TEX14: variants seen among roughly 807,000 people sequenced by gnomAD.
The protein encoded by TEX14 is inactive serine/threonine-protein kinase TEX14.
A neutral mutation model predicts 178.6 loss-of-function variants in TEX14; 168 were observed. The ratio of observed to expected loss-of-function variants is 0.94; its 90% CI spans 0.83 to 1.07. The LOEUF (loss-of-function observed/expected upper bound fraction) is 1.07. Ranked by LOEUF, TEX14 falls within the 50% of genes least tolerant of loss-of-function variation. The probability of loss-of-function intolerance (pLI) is 0.00; values close to 1 mark genes in which losing one functional copy is unlikely to be tolerated. For missense variants in TEX14, 1,730 were observed against 1,753.6 expected (o/e 0.99, Z 0.24); for synonymous variants, 626 against 634.1 (o/e 0.99, Z 0.19).
At position 58,669,733 on chromosome 17, in the gene TEX14, C is replaced by CAAAAA. The variant is rs71367615; in HGVS notation, c.-1-17736_-1-17732dup. Among the ~76,000 whole-genome samples the CAAAAA allele has an allele frequency of 2.4e-3, 132 of 56,162 alleles. 2 individuals are homozygous for CAAAAA. The highest frequency in any genetic ancestry group is 4.0e-3 in the East Asian group (8 of 2,000). 36.8% of individuals were successfully genotyped at this position (56,162 alleles called of 152,430 possible). A position where few individuals can be genotyped will look rare whatever the true frequency, so the allele number is the denominator to read the frequency against. On this transcript the variant is annotated intron_variant, in intron 1 of 31. Transcript: ENST00000349033. ...TGGGCAACAGAGAGAGACTCCGTCT[C>CAAAAA]AAAAAAAAAAAAAAAAAAAAAAAGC...
chr17:58,578,564 CAG>C (rs1251349820), intron 20 of TEX14, among the ~76,000 whole-genome samples: 1 of 152,208 alleles, frequency 6.6e-6, no homozygotes, highest in East Asian at 1.9e-4. Context: ...GAGTAGAAAT[CAG>C]AGACTTTTTC....
chr17:58,564,212 A>C (rs1172520146), intron 28 of TEX14: 11 of 152,196 alleles, frequency 7.2e-5, no homozygotes, highest in Non-Finnish European at 1.2e-4. Context: ...TGAAAGCAGG[A>C]TCTCAAAGAG....
intron 3 of TEX14, among the ~76,000 whole-genome samples, chr17:58,625,160 C>G (rs2046106669): frequency 6.6e-6 from 1 of 150,454 alleles, no homozygotes. Flanking sequence ...GAGACGAAGT[C>G]TCGCTCTTGT....
At chr17:58,562,493 G>A (rs145592334) in intron 28 of TEX14, among the ~76,000 whole-genome samples, 7 of 151,972 alleles carry the variant, frequency 4.6e-5, no homozygotes, top group Admixed American at 3.9e-4. Flanking sequence ...TTTTGATCAC[G>A]TAAAAAGAGC....
At chr17:58,605,598 T>TCACC (rs1367735113) in intron 10 of TEX14, among the ~76,000 whole-genome samples, 1 of 152,174 alleles carries the variant, frequency 6.6e-6, no homozygotes, top group African/African-American at 2.4e-5. Context: ...ACTCTACTGC[T>TCACC]CACCCACTCC....
chr17:58,587,497 G>A, intron 17 of TEX14, 84 bp downstream of exon 17: 1 of 847,484 alleles, frequency 1.2e-6, no homozygotes, highest in Non-Finnish European at 1.9e-6. Context: ...TGCAACACAG[G>A]TTGTGTACTT....
chr17:58,659,311 A>C (rs953687755), intron 1 of TEX14: 3 of 976,646 alleles, frequency 3.1e-6, no homozygotes, highest in Non-Finnish European at 3.6e-6. Context: ...GACATTATTT[A>C]CTTAATATTG....
In TEX14 at chr17:58,651,917, C is replaced by A; in HGVS notation, c.85G>T (p.Glu29Ter). 6.2e-7 allele frequency: 1 copy of A among 1,613,410 alleles called. No individual in the cohort carries two copies. Among genetic ancestry groups the A allele is most frequent in the South Asian group, 1.1e-5 (1 of 90,848 alleles). ...ACATAGTTCCCTTGTTTGACATACT[C>A]ATGAAGCTGAGCTTCCAGGGAGTCA... ...RNDSLEAQLHEYVKQGNYVKV... is the reference protein window; with the variant it reads ...RNDSLEAQLH Residue 29 changes from glutamate to a stop codon, truncating the protein, a stop_gained, in exon 2 of 32, where the codon GAG becomes TAG. Transcript: ENST00000349033. LOFTEE classifies it high-confidence loss of function.
chr17:58,593,623 A>C lies in TEX14; in HGVS notation c.2508T>G (p.Asp836Glu), dbSNP rs2045210382. Residue 836 changes from aspartate to glutamate, a missense_variant, in exon 15 of 32, where the codon GAT (aspartate) becomes GAG (glutamate). By Grantham distance (45) the Asp-to-Glu change is conservative. Transcript: ENST00000349033. Reference sequence around the variant, plus strand: ...CTCCTTGAGTGCACTGAAATTGTTCATCTGTGTTCTGTTTTCCAGGGTCAC... The same window carrying C: ...CTCCTTGAGTGCACTGAAATTGTTCCTCTGTGTTCTGTTTTCCAGGGTCAC... Reference protein sequence around the residue: ...TLCDPGKQNTDEQFQCTQGAK... With the variant: ...TLCDPGKQNTEEQFQCTQGAK... 1.2e-6 allele frequency: 2 copies of C among 1,614,114 alleles called. No individual in the cohort carries two copies. Among genetic ancestry groups the C allele is most frequent in the Non-Finnish European group, 8.5e-7 (1 of 1,180,018 alleles).
intron 1 of TEX14, among the ~76,000 whole-genome samples, chr17:58,684,450 G>A (rs1344161894): frequency 6.8e-6 from 1 of 147,002 alleles, no homozygotes; most frequent in East Asian, 2.0e-4. Flanking sequence ...CAACAAGAGC[G>A]AAACTCCGTC....
At chr17:58,666,701 G>T (rs543738268) in intron 1 of TEX14, 38 of 152,250 alleles carry the variant, frequency 2.5e-4, no homozygotes, top group Admixed American at 2.3e-3. Flanking sequence ...TAATTATGAG[G>T]TACTTGCGTG....
intron 3 of TEX14, among the ~76,000 whole-genome samples, chr17:58,623,323 G>A (rs1358690197): frequency 6.6e-6 from 1 of 152,052 alleles, no homozygotes. Flanking sequence ...CATAGATCTG[G>A]TTCCAAATCC....
chr17:58,638,562 G>C (rs1007281108), intron 2 of TEX14, among the ~76,000 whole-genome samples: 4 of 152,024 alleles, frequency 2.6e-5, no homozygotes, highest in Admixed American at 6.6e-5. Flanking sequence ...TTCTGAGACG[G>C]AGTTTCACTC....
intron 1 of TEX14, among the ~76,000 whole-genome samples, chr17:58,688,173 T>G (rs966901515): frequency 6.6e-6 from 1 of 152,116 alleles, no homozygotes; most frequent in African/African-American, 2.4e-5. Context: ...CAGGCTGGAG[T>G]ACAGTGTCAT....
chr17:58,635,359 C>A (rs774491746), intron 2 of TEX14, among the ~76,000 whole-genome samples: 58 of 151,284 alleles, frequency 3.8e-4, no homozygotes, highest in Non-Finnish European at 6.0e-4. Context: ...AAATTACAGT[C>A]AAGGGAAGCC....
chr17:58,575,205 C>T (rs1598350614), intron 21 of TEX14, among the ~76,000 whole-genome samples: 1 of 151,436 alleles, frequency 6.6e-6, no homozygotes, highest in South Asian at 2.1e-4. Context: ...ACCTTCGCCT[C>T]CTGGGTTCAA....
chr17:58,606,024 C>T (rs34426768), intron 10 of TEX14, among the ~76,000 whole-genome samples: 24,566 of 152,126 alleles, frequency 0.16, 2,412 homozygotes, highest in Non-Finnish European at 0.21. Flanking sequence ...TTTATCAAAG[C>T]CATCTGGGAC....
intron 10 of TEX14, among the ~76,000 whole-genome samples, chr17:58,608,145 C>T (rs574171148): frequency 5.8e-4 from 88 of 151,830 alleles, no homozygotes; most frequent in Middle Eastern, 3.4e-3. Context: ...TGGCTGGGCG[C>T]AGGGGCTCAC....
intron 10 of TEX14, among the ~76,000 whole-genome samples, chr17:58,609,554 T>G (rs576913540): frequency 5.9e-5 from 9 of 152,104 alleles, no homozygotes; most frequent in African/African-American, 2.2e-4. Flanking sequence ...AGAGGAAGGA[T>G]CTTAACCTAA....
Sources: gnomAD v4.1 joint callset for allele counts (sites outside exome capture counted in the v4.1 genomes callset) on GRCh38, gnomAD v4.1.1 for gene constraint, MANE v1.5 for transcripts, NCBI Gene and HGNC (gene_info 2026-07-23, HGNC 2026-07-21) for gene names.